The following MYO5A variants were observed in gnomAD, a reference collection of about 807,000 sequenced individuals.
MYO5A encodes the protein unconventional myosin-Va.
In MYO5A, 98 loss-of-function variants were observed where a neutral mutation model predicts 249.7. The ratio of observed to expected loss-of-function variants is 0.39; its 90% confidence interval spans 0.33 to 0.46. The LOEUF (loss-of-function observed/expected upper bound fraction) is 0.46, where lower values mean the gene tolerates loss of function less well. Among genes scored for constraint, MYO5A ranks in the 20% least tolerant of loss-of-function variants. The probability of loss-of-function intolerance (pLI) is 0.98; values close to 1 mark genes in which losing one functional copy is unlikely to be tolerated. For synonymous variants in MYO5A, 778 were observed against 810.6 expected, an observed-to-expected ratio of 0.96 and a Z score of 0.68; for missense variants, 1,696 against 2,308.8, an observed-to-expected ratio of 0.73 and a Z score of 5.44.
intron 7 of MYO5A, among the ~76,000 whole-genome samples, 192 bp downstream of exon 7, chr15:52,407,867 C>T (rs2043076483): frequency 6.6e-6 from 1 of 152,186 alleles, no homozygotes. Context: ...CAGGCCAATC[C>T]TGTTCCATTT....
At chr15:52,460,351 G>C (rs2076221211) in intron 1 of MYO5A, among the ~76,000 whole-genome samples, 1 of 152,224 alleles carries the variant, frequency 6.6e-6, no homozygotes, top group Non-Finnish European at 1.5e-5. Flanking sequence ...CTCCAGCCTG[G>C]GCAACATTGA....
chr15:52,397,359 G>A lies in MYO5A; in HGVS notation c.1161C>T (p.Tyr387=), dbSNP rs2042534120. Residue 387 remains tyrosine, a synonymous_variant, in exon 10 of 42, where the codon TAC becomes TAT. Transcript: ENST00000399233. ...CCTGCAGCTTGGAGATGGGCTTGAT[G>A]TATGTCTCTGTGGCAGTAGCCAGTT... The part of the protein sequence containing the change: ...HRKLATATET[Y]IKPISKLQAT... The A allele has an allele frequency of 1.2e-6, 2 of 1,614,098 alleles. No homozygotes were observed. Among genetic ancestry groups the A allele is most frequent in the East Asian group, 2.2e-5 (1 of 44,858 alleles).
At chr15:52,476,276 C>G (rs1254666138) in intron 1 of MYO5A, among the ~76,000 whole-genome samples, 1 of 152,046 alleles carries the variant, frequency 6.6e-6, no homozygotes, top group Non-Finnish European at 1.5e-5. Flanking sequence ...TATTTTGAGC[C>G]TATGTGTGTC....
chr15:52,425,412 T>G (rs993567063), intron 4 of MYO5A, among the ~76,000 whole-genome samples: 2 of 152,074 alleles, frequency 1.3e-5, no homozygotes, highest in Non-Finnish European at 2.9e-5. Flanking sequence ...CAGGTTGGAG[T>G]GCAGTGGCAC....
At position 52,385,574 on chromosome 15, in the gene MYO5A, A is replaced by AT. The variant is rs1260335984; in HGVS notation, c.1753-1253dup. 1.4e-3 allele frequency among the ~76,000 whole-genome samples: 205 copies of AT among 149,744 alleles called. 1 individual carries two copies. The Middle Eastern group carries it at 0.021, about 15-fold the overall frequency. On this transcript the variant is annotated intron_variant, in intron 14 of 41. Transcript: ENST00000399233. ...TAAGTTTATAATTCCATATATATATATATTTTTTTAAACTCCTTTTCAAAT... is the reference window on the plus strand; with the variant it reads ...TAAGTTTATAATTCCATATATATATATTATTTTTTTAAACTCCTTTTCAAAT...
At chr15:52,361,050 T>G (rs571587558) in intron 24 of MYO5A, among the ~76,000 whole-genome samples, 45 of 152,302 alleles carry the variant, frequency 3.0e-4, no homozygotes, top group African/African-American at 1.1e-3. Context: ...CCCAGGCTTA[T>G]GGAGAGCAGA....
intron 1 of MYO5A, among the ~76,000 whole-genome samples, chr15:52,519,538 G>A (rs1451495317): frequency 1.3e-5 from 2 of 151,926 alleles, no homozygotes; most frequent in Admixed American, 6.6e-5. Context: ...CTTGAGCCCA[G>A]GAGTTCGAGG....
intron 9 of MYO5A, among the ~76,000 whole-genome samples, chr15:52,402,850 GAAAAAAAC>G (rs1212683567): frequency 6.6e-6 from 1 of 150,792 alleles, no homozygotes; most frequent in African/African-American, 2.4e-5. Context: ...GTCTCAAAAA[GAAAAAAAC>G]AAAAAAACAA....
intron 4 of MYO5A, among the ~76,000 whole-genome samples, chr15:52,424,535 A>G (rs2075354036): frequency 6.6e-6 from 1 of 152,202 alleles, no homozygotes; most frequent in Admixed American, 6.5e-5. Context: ...AAGTATCCAT[A>G]TTAATATTAT....
Position 52,307,504 on chromosome 15 carries a change from T to A in MYO5A, c.*6192A>T, listed in dbSNP as rs766789685. On this transcript the variant is annotated 3_prime_UTR_variant, in exon 42 of 42. Transcript: ENST00000399233. The stretch of plus-strand genomic sequence containing the variant: ...ATGAGATGAATTATTAACTTATTTT[T>A]AAAAATTGCACGTGAGATATGCTAG... The A allele has an allele frequency of 1.3e-5, 2 of 152,176 alleles. No individual in the cohort carries two copies. Among genetic ancestry groups the A allele is most frequent in the African/African-American group, 2.4e-5 (1 of 41,446 alleles). The allele number at this position is 152,176 out of a possible 1,614,324, so 9.4% of individuals were successfully genotyped here. A position where few individuals can be genotyped will look rare whatever the true frequency, so the allele number is the denominator to read the frequency against.
At chr15:52,335,690 T>C (rs2039086581) in intron 34 of MYO5A, among the ~76,000 whole-genome samples, 1 of 152,172 alleles carries the variant, frequency 6.6e-6, no homozygotes, top group African/African-American at 2.4e-5. Context: ...TCAAGGAATT[T>C]TTTCATCATC....
At chr15:52,475,265 G>A (rs2076567558) in intron 1 of MYO5A, among the ~76,000 whole-genome samples, 1 of 152,050 alleles carries the variant, frequency 6.6e-6, no homozygotes. Flanking sequence ...GCATCTATTT[G>A]ATTCTTCTCT....
At position 52,408,097 on chromosome 15, in the gene MYO5A, G is replaced by C; in HGVS notation, c.800C>G (p.Ala267Gly). 1 of 1,607,942 alleles carries C rather than the reference G, an allele frequency of 6.2e-7. No homozygotes were observed. The highest frequency in any genetic ancestry group is 8.5e-7 in the Non-Finnish European group (1 of 1,175,108). Reference sequence around the variant, plus strand: ...TTTAAATTCAGGTAACTTTGCTGAGGCACAAAGCTGATAGAAGATATGATA... The same window carrying C: ...TTTAAATTCAGGTAACTTTGCTGAGCCACAAAGCTGATAGAAGATATGATA... ...RNYHIFYQLC[A>G]SAKLPEFKML... is the part of the protein sequence containing the mutation. The change falls in exon 7 of 42, where the codon GCC (alanine) becomes GGC (glycine). Residue 267 changes from alanine (A) to glycine (G), a missense_variant. This residue lies in a region of MYO5A where 185 missense variants were observed against 204.8 expected (regional missense o/e 0.90). Transcript: ENST00000399233.
At chr15:52,428,354 G>C (rs758434260) in intron 3 of MYO5A, 44 bp downstream of exon 3, 4 of 1,569,510 alleles carry the variant, frequency 2.5e-6, no homozygotes, top group Non-Finnish European at 3.5e-6. Flanking sequence ...ATGTCCATTA[G>C]AGGAAAGAGT....
intron 1 of MYO5A, among the ~76,000 whole-genome samples, chr15:52,488,449 A>G (rs2076868661): frequency 6.6e-6 from 1 of 152,216 alleles, no homozygotes; most frequent in South Asian, 2.1e-4. Context: ...TATAAAGCAA[A>G]TATGTGAACT....
At chr15:52,382,719 G>A (rs1349359275) in intron 16 of MYO5A, among the ~76,000 whole-genome samples, 1 of 152,228 alleles carries the variant, frequency 6.6e-6, no homozygotes, top group Non-Finnish European at 1.5e-5. Context: ...TTTCAGCAGT[G>A]GAGAAGCAGC....
chr15:52,364,494 T>G (rs976774238), intron 24 of MYO5A, 60 bp downstream of exon 24: 95 of 1,499,060 alleles, frequency 6.3e-5, no homozygotes, highest in Non-Finnish European at 7.3e-6. Context: ...TACTATTCTA[T>G]TTACTTTTGT....
At chr15:52,420,892 A>G (rs1230108992) in intron 4 of MYO5A, among the ~76,000 whole-genome samples, 1 of 152,184 alleles carries the variant, frequency 6.6e-6, no homozygotes, top group East Asian at 1.9e-4. Flanking sequence ...AGAGTCTCAA[A>G]GCTGGATTCA....
chr15:52,462,279 AG>A (rs141751897), intron 1 of MYO5A, among the ~76,000 whole-genome samples: 22,147 of 150,858 alleles, frequency 0.15, 1,636 homozygotes, highest in Middle Eastern at 0.21. Flanking sequence ...AAAAAAAAAA[AG>A]GTTTGATCAA....
Sources: gnomAD v4.1 joint callset for allele counts (sites outside exome capture counted in the v4.1 genomes callset) on GRCh38, gnomAD v4.1.1 for gene constraint, gnomAD v4.1.1 regional missense constraint, MANE v1.5 for transcripts, NCBI Gene and HGNC (gene_info 2026-07-23, HGNC 2026-07-21) for gene names.